The following UNC13C variants were observed in gnomAD, a reference collection of about 807,000 sequenced individuals.
The protein encoded by UNC13C is unc-13 homolog C.
Under a neutral mutation model 245.4 loss-of-function variants are expected in UNC13C, and 174 were observed. The observed-to-expected ratio is 0.71, with a 90% CI of 0.63 to 0.80. UNC13C has a LOEUF of 0.80. Ranked by LOEUF, UNC13C falls within the 30% of genes least tolerant of loss-of-function variation. The pLI, the probability that UNC13C is intolerant of heterozygous loss-of-function variation, is 0.00. For synonymous variants in UNC13C, 992 were observed against 895.1 expected (o/e 1.11, Z -1.93); for missense variants, 2,829 against 2,602.9 (o/e 1.09, Z -1.89).
Position 54,336,808 on chromosome 15 carries a change from C to T in UNC13C, c.4585-1553C>T, listed in dbSNP as rs369822893. On this transcript the variant is annotated intron_variant, in intron 16 of 32. Coordinates refer to ENST00000260323, the MANE Select transcript of UNC13C (RefSeq NM_001080534.3). ...ATATATGTATGGGTCTATTTCTGAACTCTCTATACTGTTCAATTGTTTGTA... is the reference window on the plus strand; with the variant it reads ...ATATATGTATGGGTCTATTTCTGAATTCTCTATACTGTTCAATTGTTTGTA... Among the ~76,000 whole-genome samples the T allele has an allele frequency of 4.6e-5, 7 of 151,996 alleles. 2 individuals carry two copies. Among genetic ancestry groups the T allele is most frequent in the African/African-American group, 1.7e-4 (7 of 41,528 alleles).
intron 17 of UNC13C, 87 bp downstream of exon 17, chr15:54,338,576 G>A (rs1263836217): frequency 3.5e-5 from 50 of 1,427,676 alleles, no homozygotes; most frequent in Non-Finnish European, 4.6e-5. Flanking sequence ...AAATAGAAAA[G>A]TATGTTCATT....
chr15:54,217,494 A>C (rs192677845), intron 4 of UNC13C, among the ~76,000 whole-genome samples: 1 of 152,038 alleles, frequency 6.6e-6, no homozygotes, highest in East Asian at 1.9e-4. Flanking sequence ...CTACAAGTTC[A>C]TGTCTGCCAG....
At position 54,451,226 on chromosome 15, in the gene UNC13C, G is replaced by T. The variant is rs538574608; in HGVS notation, c.4933+36159G>T. On this transcript the variant is annotated intron_variant, in intron 19 of 32. Transcript: ENST00000260323. ...TGAGGAATTACCTCAGTTTTTGCTT[G>T]TCAGGGAAAAACTTTATTTTGCTTT... Among the ~76,000 whole-genome samples, 2 of 152,198 alleles carry T rather than the reference G, an allele frequency of 1.3e-5. 1 individual carries two copies. Among genetic ancestry groups the T allele is most frequent in the Admixed American group, 1.3e-4 (2 of 15,294 alleles).
intron 30 of UNC13C, among the ~76,000 whole-genome samples, chr15:54,590,076 T>C (rs1259876899): frequency 6.6e-6 from 1 of 152,208 alleles, no homozygotes; most frequent in Non-Finnish European, 1.5e-5. Context: ...TTTTGTTTGC[T>C]TTGTTGAAGA....
chr15:54,156,620 A>G (rs544650707), intron 4 of UNC13C, among the ~76,000 whole-genome samples: 7 of 152,098 alleles, frequency 4.6e-5, no homozygotes, highest in African/African-American at 1.7e-4. Flanking sequence ...GAAAACACGG[A>G]TTACATGTAA....
At chr15:53,905,963 T>C in the UNC13C span, among the ~76,000 whole-genome samples, 2 of 152,078 alleles carry the variant, frequency 1.3e-5, no homozygotes, top group Admixed American at 6.6e-5. Context: ...TTAGAGAATA[T>C]GTAAATATCT....
chr15:54,072,711 C>T (rs1330096444), intron 2 of UNC13C, among the ~76,000 whole-genome samples: 1 of 151,996 alleles, frequency 6.6e-6, no homozygotes, highest in Non-Finnish European at 1.5e-5. Context: ...AGAATTTTGT[C>T]CTCATTTGTC....
chr15:54,617,650 A>G (rs1478644725), intron 30 of UNC13C, among the ~76,000 whole-genome samples: 3 of 152,136 alleles, frequency 2.0e-5, no homozygotes, highest in African/African-American at 7.2e-5. Flanking sequence ...TATATATTAA[A>G]TAACATGGAA....
intron 30 of UNC13C, among the ~76,000 whole-genome samples, chr15:54,587,572 C>A (rs1490818362): frequency 6.6e-6 from 1 of 152,154 alleles, no homozygotes; most frequent in Non-Finnish European, 1.5e-5. Context: ...GCCTTCAGGA[C>A]CTCAGTACTC....
intron 10 of UNC13C, among the ~76,000 whole-genome samples, chr15:54,270,979 A>G (rs1418170889): frequency 6.6e-6 from 1 of 152,186 alleles, no homozygotes; most frequent in Non-Finnish European, 1.5e-5. Flanking sequence ...TAATTTTTCA[A>G]CTTTGGGATT....
At chr15:54,000,762 A>G (rs1238490681) in intron 1 of UNC13C, among the ~76,000 whole-genome samples, 2 of 152,298 alleles carry the variant, frequency 1.3e-5, no homozygotes, top group East Asian at 3.9e-4. Context: ...TACTTTGTGA[A>G]CAGATTTTTG....
chr15:53,879,971 G>GTATA, the UNC13C span, among the ~76,000 whole-genome samples: 6 of 151,028 alleles, frequency 4.0e-5, no homozygotes, highest in African/African-American at 1.5e-4. Context: ...GTGTGTGTGT[G>GTATA]TATATACATA....
intron 19 of UNC13C, among the ~76,000 whole-genome samples, chr15:54,423,882 G>C (rs1486313947): frequency 6.6e-6 from 1 of 151,840 alleles, no homozygotes; most frequent in African/African-American, 2.4e-5. Flanking sequence ...AAGAGAAAGT[G>C]ATGAAAACTT....
At chr15:54,311,183 T>C (rs977668601) in intron 13 of UNC13C, among the ~76,000 whole-genome samples, 1 of 151,780 alleles carries the variant, frequency 6.6e-6, no homozygotes, top group African/African-American at 2.4e-5. Flanking sequence ...AAAATCAGTA[T>C]CAAATGAGTA....
At chr15:53,878,347 T>G in the UNC13C span, among the ~76,000 whole-genome samples, 123 of 152,332 alleles carry the variant, frequency 8.1e-4, no homozygotes, top group African/African-American at 2.9e-3. Flanking sequence ...CTGAAGCATT[T>G]TTATACACAA....
chr15:54,401,106 T>G (rs938847305), intron 18 of UNC13C, among the ~76,000 whole-genome samples: 1 of 152,200 alleles, frequency 6.6e-6, no homozygotes, highest in South Asian at 2.1e-4. Flanking sequence ...GTTACCCATA[T>G]GTGTAATAAA....
the UNC13C span, among the ~76,000 whole-genome samples, chr15:53,885,095 A>T: frequency 6.6e-6 from 1 of 152,204 alleles, no homozygotes; most frequent in East Asian, 1.9e-4. Context: ...ATAAATAGAA[A>T]GTCAGGGGAT....
intron 1 of UNC13C, among the ~76,000 whole-genome samples, chr15:54,003,502 G>A (rs918578435): frequency 1.3e-5 from 2 of 152,112 alleles, no homozygotes; most frequent in African/African-American, 2.4e-5. Context: ...CCCTTTGAAG[G>A]TGGACTGTTC....
At chr15:54,081,089 G>T (rs1215914319) in intron 2 of UNC13C, among the ~76,000 whole-genome samples, 1 of 151,986 alleles carries the variant, frequency 6.6e-6, no homozygotes, top group African/African-American at 2.4e-5. Flanking sequence ...GGAGCAAGTT[G>T]TTTAGTTTCC....
Sources: gnomAD v4.1 joint callset for allele counts (sites outside exome capture counted in the v4.1 genomes callset) on GRCh38, gnomAD v4.1.1 for gene constraint, MANE v1.5 for transcripts, NCBI Gene and HGNC (gene_info 2026-07-23, HGNC 2026-07-21) for gene names.